ERN2: variants seen among roughly 807,000 people sequenced by gnomAD.
ERN2 encodes endoplasmic reticulum to nucleus signaling 2.
Under a neutral mutation model 107.9 loss-of-function variants are expected in ERN2, and 111 were observed. That is an observed-to-expected ratio of 1.03 (90% confidence interval 0.88 to 1.20). ERN2 has a LOEUF of 1.20. Among genes scored for constraint, ERN2 ranks in the 50% most tolerant of loss-of-function variants. The probability of loss-of-function intolerance (pLI) is 0.00; values close to 1 mark genes in which losing one functional copy is unlikely to be tolerated. For missense variants in ERN2, 1,225 were observed against 1,197.9 expected, an observed-to-expected ratio of 1.02 and a Z score of -0.33; for synonymous variants, 524 against 501.7, an observed-to-expected ratio of 1.04 and a Z score of -0.59.
In ERN2 at chr16:23,694,761, G is replaced by C. The variant is rs1360570999; in HGVS notation, c.2067C>G (p.Pro689=). Residue 689 remains proline, a synonymous_variant, in exon 17 of 22, where the codon CCC becomes CCG. Coordinates refer to ENST00000256797, the MANE Select transcript of ERN2 (RefSeq NM_033266.4). The part of the protein sequence containing the change: ...GIPGTEGWMA[P]ELLQLLPPDS... ...CTGGTGGCAGGAGCTGCAGAAGCTC[G>C]GGCGCCATCCAGCCTTCCGTGCCGG... 1 of 1,610,596 alleles carries C rather than the reference G, an allele frequency of 6.2e-7. No individual in the cohort carries two copies. The highest frequency in any genetic ancestry group is 2.2e-5 in the East Asian group (1 of 44,782).
chr16:23,713,216 G>A lies in ERN2; in HGVS notation c.-29C>T. Reference sequence around the variant, plus strand: ...GCCTGGGCAGCTGCACGGCTGGCCAGGTCCCTGGGTGCCTCCAAGGGAGCG... The same window carrying A: ...GCCTGGGCAGCTGCACGGCTGGCCAAGTCCCTGGGTGCCTCCAAGGGAGCG... On this transcript the variant is annotated 5_prime_UTR_variant, in exon 1 of 22. Coordinates refer to ENST00000256797, the MANE Select transcript of ERN2 (RefSeq NM_033266.4). 6.3e-7 allele frequency: 1 copy of A among 1,579,428 alleles called. No individual in the cohort carries two copies. The highest frequency in any genetic ancestry group is 8.5e-7 in the Non-Finnish European group (1 of 1,170,138).
chr16:23,697,784 G>C (rs886743035), intron 13 of ERN2, among the ~76,000 whole-genome samples: 1 of 152,028 alleles, frequency 6.6e-6, no homozygotes, highest in Non-Finnish European at 1.5e-5. Context: ...AGAAACAGGG[G>C]CTCACTCTGT....
At position 23,695,963 on chromosome 16, in the gene ERN2, ACGGTGAGTTG is replaced by A; in HGVS notation, c.1531_1540del (p.Gln511Ter). On this transcript the variant is annotated frameshift_variant, in exon 14 of 22. Transcript: ENST00000256797. LOFTEE classifies it high-confidence loss of function. Reference sequence around the variant, plus strand: ...GGGATTGAAGGAAATCTTCCCCACTACGGTGAGTTGCTCAGCTGGGGGAGAGGAGGGTGGT... The same window carrying A: ...GGGATTGAAGGAAATCTTCCCCACTACTCAGCTGGGGGAGAGGAGGGTGGT... 1 of 1,614,004 alleles carries A rather than the reference ACGGTGAGTTG, an allele frequency of 6.2e-7. No individual in the cohort carries two copies.
In ERN2 at chr16:23,691,833, G is replaced by A. The variant is rs1013456411; in HGVS notation, c.2376+130C>T. ...GAGTCCAGGCTGGCTCCCAGTTTAG[G>A]GAAAGAGCCAGGCTCCCAGGACCAG... On this transcript the variant is annotated intron_variant, in intron 19 of 21. Coordinates refer to ENST00000256797, the MANE Select transcript of ERN2 (RefSeq NM_033266.4). 23 of 1,304,886 alleles carry A rather than the reference G, an allele frequency of 1.8e-5. No homozygotes were observed. In the African/African-American group the frequency reaches 2.9e-4, roughly 17 times the overall value. The allele number at this position is 1,304,886 out of a possible 1,614,324, so 80.8% of individuals were successfully genotyped here.
At chr16:23,707,130 C>T in intron 4 of ERN2, 51 bp from the exon 5 acceptor site, 1 of 1,284,606 alleles carries the variant, frequency 7.8e-7, no homozygotes, top group Non-Finnish European at 1.1e-6. Context: ...ACACACAGTG[C>T]TCACTGTGCC....
intron 4 of ERN2, among the ~76,000 whole-genome samples, chr16:23,707,740 CAAAA>C (rs564353767): frequency 3.2e-4 from 48 of 151,746 alleles, no homozygotes; most frequent in Non-Finnish European, 5.0e-4. Flanking sequence ...AACAAACAAA[CAAAA>C]AAAAGCCGCA....
At chr16:23,707,670 G>A (rs1413792110) in intron 4 of ERN2, among the ~76,000 whole-genome samples, 1 of 152,150 alleles carries the variant, frequency 6.6e-6, no homozygotes, top group Non-Finnish European at 1.5e-5. Context: ...CTATGATTGT[G>A]CCACTGCACT....
intron 13 of ERN2, chr16:23,697,392 A>G (rs914146568): frequency 5.9e-5 from 9 of 152,136 alleles, no homozygotes; most frequent in Non-Finnish European, 8.8e-5. Flanking sequence ...CATCACCCAC[A>G]CATAGGAAAA....
chr16:23,706,384 T>A lies in ERN2; in HGVS notation c.535A>T (p.Asn179Tyr). 7 of 1,572,448 alleles carry A rather than the reference T, an allele frequency of 4.5e-6. No individual in the cohort carries two copies. The highest frequency in any genetic ancestry group is 5.2e-6 in the Non-Finnish European group (6 of 1,159,160). The change falls in exon 7 of 22, where the codon AAC becomes TAC. Residue 179 changes from asparagine to tyrosine, a missense_variant. By Grantham distance (143) the Asn-to-Tyr change is moderately radical. Transcript: ENST00000256797. ...GCTGAGTAGCGGCGGTAGGTGGTGT[T>A]CCAGCGCAGGGCTGGGGCTCTTGGG... ...HDPRAPALRW[N>Y]TTYRRYSAPP...
In ERN2 at chr16:23,710,199, C is replaced by G. The variant is rs1233186655; in HGVS notation, c.279G>C (p.Leu93Phe). The change falls in exon 4 of 22, where the codon TTG becomes TTC. Residue 93 changes from leucine to phenylalanine, a missense_variant. Leu to Phe is a conservative substitution (Grantham distance 22, BLOSUM62 0). Coordinates refer to ENST00000256797, the MANE Select transcript of ERN2 (RefSeq NM_033266.4). The part of the protein sequence containing the change: ...SDPADGSLYI[L>F]GTQKQQGLMK... ...TTAATCCCTGTTGTTTTTGGGTCCC[C>G]AAGATGTACAGGCTGCCATCTGCTG... 1 of 1,613,968 alleles carries G rather than the reference C, an allele frequency of 6.2e-7. No individual in the cohort carries two copies. The highest frequency in any genetic ancestry group is 8.5e-7 in the Non-Finnish European group (1 of 1,179,870).
chr16:23,707,849 A>G (rs1468194186), intron 4 of ERN2, among the ~76,000 whole-genome samples: 1 of 152,218 alleles, frequency 6.6e-6, no homozygotes, highest in Non-Finnish European at 1.5e-5. Flanking sequence ...CACAGAAGTG[A>G]AGGAGTTGTT....
chr16:23,713,051 CGCG>C, intron 1 of ERN2, 41 bp downstream of exon 1: 1 of 1,423,786 alleles, frequency 7.0e-7, no homozygotes, highest in Non-Finnish European at 9.2e-7. Context: ...CCCTGCGCCC[CGCG>C]ACCAGACTTT....
chr16:23,700,429 T>C (rs1959998190), intron 13 of ERN2, 110 bp downstream of exon 13: 2 of 1,070,642 alleles, frequency 1.9e-6, no homozygotes, highest in Non-Finnish European at 2.7e-6. Flanking sequence ...TTAATTCATG[T>C]AGACCTAACC....
chr16:23,695,239 G>A lies in ERN2; in HGVS notation c.1761C>T (p.His587=), dbSNP rs148511418. 6.2e-7 allele frequency: 1 copy of A among 1,614,042 alleles called. No homozygotes were observed. Among genetic ancestry groups the A allele is most frequent in the African/African-American group, 1.3e-5 (1 of 74,948 alleles). The part of the protein sequence containing the change: ...YFCTERGPQF[H]YIALELCRAS... ...CCCGGCAGAGCTCCAGGGCAATGTA[G>A]TGGAACTGGGGTCCCCGCTCGGTGC... The change falls in exon 15 of 22, where the codon CAC becomes CAT. Residue 587 remains histidine (H), a synonymous_variant. Coordinates refer to ENST00000256797, the MANE Select transcript of ERN2 (RefSeq NM_033266.4).
chr16:23,709,477 C>T (rs1327663631), intron 4 of ERN2: 1 of 230,858 alleles, frequency 4.3e-6, no homozygotes, highest in Non-Finnish European at 8.8e-6. Context: ...GAGATGGAAT[C>T]TGTTTTTTCA....
intron 12 of ERN2, 41 bp downstream of exon 12, chr16:23,700,918 G>T: frequency 2.5e-6 from 4 of 1,585,920 alleles, no homozygotes; most frequent in Non-Finnish European, 3.4e-6. Context: ...GAGAAGCAGC[G>T]TTCTCCCCAG....
intron 18 of ERN2, 40 bp downstream of exon 18, chr16:23,692,144 G>C (rs1334299146): frequency 6.2e-7 from 1 of 1,613,680 alleles, no homozygotes; most frequent in East Asian, 2.2e-5. Context: ...CTAGCGTCTT[G>C]CCCGTCCTCC....
chr16:23,694,957 T>C, intron 16 of ERN2, 30 bp from the exon 17 acceptor site: 1 of 1,613,856 alleles, frequency 6.2e-7, no homozygotes, highest in South Asian at 1.1e-5. Flanking sequence ...AGAAAGCTGG[T>C]TGCTGAGGGC....
chr16:23,707,060 G>A lies in ERN2; in HGVS notation c.326C>T (p.Pro109Leu). 6.2e-7 allele frequency: 1 copy of A among 1,614,110 alleles called. No individual in the cohort carries two copies. The highest frequency in any genetic ancestry group is 8.5e-7 in the Non-Finnish European group (1 of 1,179,932). The change falls in exon 5 of 22, where the codon CCT becomes CTT. Residue 109 changes from proline to leucine, a missense_variant. Pro to Leu is a moderately conservative substitution (Grantham distance 98). Coordinates refer to ENST00000256797, the MANE Select transcript of ERN2 (RefSeq NM_033266.4). ...GCAGGGAGAGGCATGAACCAGCTCA[G>A]GGATGGTGAATGGCAGTTTCTAGGA... ...QGLMKLPFTI[P>L]ELVHASPCRS...
Sources: gnomAD v4.1 joint callset for allele counts (sites outside exome capture counted in the v4.1 genomes callset) on GRCh38, gnomAD v4.1.1 for gene constraint, MANE v1.5 for transcripts, NCBI Gene and HGNC (gene_info 2026-07-23, HGNC 2026-07-21) for gene names.